OXNAD1: variants seen among roughly 807,000 people sequenced by gnomAD.
OXNAD1 encodes oxidoreductase NAD binding domain containing 1, also known as oxidoreductase NAD-binding domain-containing protein 1.
In OXNAD1, 34 loss-of-function variants were observed where a neutral mutation model predicts 32.9. The observed-to-expected ratio is 1.03, with a 90% confidence interval of 0.79 to 1.38. The LOEUF is 1.38. Among genes scored for constraint, OXNAD1 ranks in the 40% most tolerant of loss-of-function variants. The pLI is 0.00. For synonymous variants in OXNAD1, 134 were observed against 135.2 expected, an observed-to-expected ratio of 0.99 and a Z score of 0.06; for missense variants, 407 against 379.4, an observed-to-expected ratio of 1.07 and a Z score of -0.60.
At chr3:16,313,172 A>C (rs2657598) in intron 9 of OXNAD1, among the ~76,000 whole-genome samples, 61,595 of 146,970 alleles carry the variant, frequency 0.42, 13,000 homozygotes, top group South Asian at 0.54. Flanking sequence ...TAGCCTCCCA[A>C]GTAGCTGGTA....
chr3:16,331,668 G>A (rs2125247032), intron 9 of OXNAD1, among the ~76,000 whole-genome samples: 1 of 152,214 alleles, frequency 6.6e-6, no homozygotes, highest in Non-Finnish European at 1.5e-5. Flanking sequence ...TTCCCCACTG[G>A]AGACATCATT....
At position 16,288,101 on chromosome 3, in the gene OXNAD1, A is replaced by T. The variant is rs2066192505; in HGVS notation, c.290+1653A>T. Among the ~76,000 whole-genome samples the T allele has an allele frequency of 6.6e-6, 1 of 152,064 alleles. No homozygotes were observed. Among genetic ancestry groups the T allele is most frequent in the Non-Finnish European group, 1.5e-5 (1 of 68,008 alleles). On this transcript the variant is annotated intron_variant, in intron 5 of 8. Transcript: ENST00000285083. This position sits in a 1 kb window ranked among gnomAD's most constrained non-coding sequence, Gnocchi z 5.1. The stretch of plus-strand genomic sequence containing the variant: ...CTAGGGGTTGTGAGTTCCTTTTGAT[A>T]TTTGACCTTATGGTCACAGAATGGC...
intron 9 of OXNAD1, among the ~76,000 whole-genome samples, chr3:16,313,355 T>G (rs1379858061): frequency 6.6e-6 from 1 of 152,066 alleles, no homozygotes; most frequent in East Asian, 1.9e-4. Flanking sequence ...ATGGTCCATC[T>G]TGAACTGTGC....
chr3:16,282,863 A>G (rs1213915123), intron 4 of OXNAD1, among the ~76,000 whole-genome samples: 1 of 116,202 alleles, frequency 8.6e-6, no homozygotes, highest in Non-Finnish European at 1.7e-5. Flanking sequence ...AGTAGTAGAG[A>G]GCCGTTTAAG....
In OXNAD1 at chr3:16,316,817, T is replaced by C. The variant is rs371535254; in HGVS notation, c.*30+13225T>C. 8.1e-6 allele frequency: 13 copies of C among 1,613,188 alleles called. No homozygotes were observed. The highest frequency in any genetic ancestry group is 9.3e-6 in the Non-Finnish European group (11 of 1,179,852). ...GCAACTCACCTAGTTTTAGCACAAA[T>C]TGCCCAAGACTCAGTTTTCTTCAAC... is the stretch of plus-strand genomic sequence containing the variant. On this transcript the variant is annotated intron_variant, in intron 9 of 9. Transcript: ENST00000435829. The surrounding 1 kb of genome is among the most constrained non-coding windows in gnomAD (Gnocchi z 4.5).
intron 4 of OXNAD1, among the ~76,000 whole-genome samples, chr3:16,281,007 A>T (rs979707556): frequency 6.6e-6 from 1 of 152,254 alleles, no homozygotes; most frequent in Admixed American, 6.5e-5. Flanking sequence ...AGCCAATACA[A>T]ATGATAAAAT....
At position 16,321,706 on chromosome 3, in the gene OXNAD1, A is replaced by G. The variant is rs2069078227; in HGVS notation, c.*31-15406A>G. On this transcript the variant is annotated intron_variant, in intron 9 of 9. Coordinates refer to the OXNAD1 transcript ENST00000435829. This position sits in a 1 kb window ranked among gnomAD's most constrained non-coding sequence, Gnocchi z 4.8. ...AGGCAGGAAATAATTAGGTACATGGAAAGAGAAAGCAGTCCACCCAGATGA... is the reference window on the plus strand; with the variant it reads ...AGGCAGGAAATAATTAGGTACATGGGAAGAGAAAGCAGTCCACCCAGATGA... 6.6e-6 allele frequency among the ~76,000 whole-genome samples: 1 copy of G among 152,182 alleles called. No homozygotes were observed. The highest frequency in any genetic ancestry group is 6.5e-5 in the Admixed American group (1 of 15,284).
downstream of OXNAD1, among the ~76,000 whole-genome samples, chr3:16,308,308 A>C (rs2067712434): frequency 6.6e-6 from 1 of 152,056 alleles, no homozygotes; most frequent in Admixed American, 6.6e-5. This position sits in a 1 kb window ranked among gnomAD's most constrained non-coding sequence, Gnocchi z 4.4. Context: ...GGAATGATGG[A>C]TCTTAGGGGC....
In OXNAD1 at chr3:16,320,458, A is replaced by T. The variant is rs1416458894; in HGVS notation, c.*31-16654A>T. On this transcript the variant is annotated intron_variant, in intron 9 of 9. Transcript: ENST00000435829. This position sits in a 1 kb window ranked among gnomAD's most constrained non-coding sequence, Gnocchi z 4.5. ...TTACTCATTCATTGATTCGACAAGTATCTGTTGAGCACCAACTAAAATCTG... is the reference window on the plus strand; with the variant it reads ...TTACTCATTCATTGATTCGACAAGTTTCTGTTGAGCACCAACTAAAATCTG... Among the ~76,000 whole-genome samples, 1 of 152,254 alleles carries T rather than the reference A, an allele frequency of 6.6e-6. No homozygotes were observed. The highest frequency in any genetic ancestry group is 1.5e-5 in the Non-Finnish European group (1 of 68,048).
intron 9 of OXNAD1, among the ~76,000 whole-genome samples, chr3:16,311,993 C>T (rs1314314544): frequency 2.0e-5 from 3 of 152,304 alleles, no homozygotes; most frequent in Admixed American, 6.5e-5. Context: ...AGGTCTCTCC[C>T]GTAGCCTGGC....
In OXNAD1 at chr3:16,342,415, CAT is replaced by C. The variant is rs1207127598; in HGVS notation, c.*31-6759_*31-6758del. Among the ~76,000 whole-genome samples the C allele has an allele frequency of 6.6e-6, 1 of 151,920 alleles. No homozygotes were observed. Among genetic ancestry groups the C allele is most frequent in the African/African-American group, 2.4e-5 (1 of 41,330 alleles). On this transcript the variant is annotated intron_variant, in intron 9 of 9. Coordinates refer to the OXNAD1 transcript ENST00000606098. This position sits in a 1 kb window ranked among gnomAD's most constrained non-coding sequence, Gnocchi z 4.0. ...ATAATATTCCATCATATGGATATAC[CAT>C]AGTTTATTCATCATTTGATGAACAT...
chr3:16,333,407 C>T (rs2125254623), intron 9 of OXNAD1, among the ~76,000 whole-genome samples: 1 of 152,268 alleles, frequency 6.6e-6, no homozygotes, highest in African/African-American at 2.4e-5. Flanking sequence ...TTTGGGATTA[C>T]AATAAATTTT....
downstream of OXNAD1, among the ~76,000 whole-genome samples, chr3:16,350,455 T>C (rs1262124910): frequency 2.0e-5 from 3 of 151,488 alleles, no homozygotes; most frequent in Non-Finnish European, 4.4e-5. Context: ...TGAAGCAAAC[T>C]TGAAAATTTT....
At chr3:16,324,901 C>T (rs1202631110) in intron 9 of OXNAD1, among the ~76,000 whole-genome samples, 1 of 152,058 alleles carries the variant, frequency 6.6e-6, no homozygotes, top group East Asian at 1.9e-4. Flanking sequence ...AACCTCTGTA[C>T]TATTTTCCAT....
downstream of OXNAD1, among the ~76,000 whole-genome samples, chr3:16,307,316 G>A (rs533360539): frequency 6.6e-6 from 1 of 152,168 alleles, no homozygotes; most frequent in Non-Finnish European, 1.5e-5. Context: ...CAATCATGAT[G>A]GTTGATGAGG....
intron 6 of OXNAD1, among the ~76,000 whole-genome samples, chr3:16,300,082 C>A (rs894590252): frequency 6.6e-6 from 1 of 152,132 alleles, no homozygotes; most frequent in African/African-American, 2.4e-5. Context: ...AAAATTCAGT[C>A]TTTTGACTCC....
chr3:16,301,537 A>T lies in OXNAD1; in HGVS notation c.433-89A>T. ...AAATAGTCTTAAATACTGATAATACAGGAGATAGACCCAGTTTTATTAAAG... is the reference window on the plus strand; with the variant it reads ...AAATAGTCTTAAATACTGATAATACTGGAGATAGACCCAGTTTTATTAAAG... On this transcript the variant is annotated intron_variant, in intron 6 of 8. Transcript: ENST00000285083. This position sits in a 1 kb window ranked among gnomAD's most constrained non-coding sequence, Gnocchi z 4.1. 6.9e-7 allele frequency: 1 copy of T among 1,446,920 alleles called. No individual in the cohort carries two copies. Among genetic ancestry groups the T allele is most frequent in the East Asian group, 2.3e-5 (1 of 43,440 alleles). 89.6% of individuals were successfully genotyped at this position (1,446,920 alleles called of 1,614,324 possible). A position where few individuals can be genotyped will look rare whatever the true frequency, so the allele number is the denominator to read the frequency against.
chr3:16,311,538 C>G (rs1330913248), intron 9 of OXNAD1, among the ~76,000 whole-genome samples: 1 of 152,150 alleles, frequency 6.6e-6, no homozygotes, highest in Non-Finnish European at 1.5e-5. Context: ...GGAAAAGTTC[C>G]AGGCAATATC....
rs1025838951 is a variant in OXNAD1 at position 16,305,479 on chromosome 3, A to C, written c.*1917A>C. The C allele has an allele frequency of 1.3e-5, 2 of 152,264 alleles. No homozygotes were observed. The highest frequency in any genetic ancestry group is 3.8e-4 in the East Asian group (2 of 5,196). 9.4% of individuals were successfully genotyped at this position (152,264 alleles called of 1,614,324 possible). Reference sequence around the variant, plus strand: ...GTCATCACCTTTGCCTGGAGTGTTCATCCTTTCAGTGCCATTATTCTGGTG... The same window carrying C: ...GTCATCACCTTTGCCTGGAGTGTTCCTCCTTTCAGTGCCATTATTCTGGTG... On this transcript the variant is annotated 3_prime_UTR_variant, in exon 9 of 9. Coordinates refer to ENST00000285083, the MANE Select transcript of OXNAD1 (RefSeq NM_138381.5). This position sits in a 1 kb window ranked among gnomAD's most constrained non-coding sequence, Gnocchi z 4.5.
Sources: gnomAD v4.1 joint callset for allele counts (sites outside exome capture counted in the v4.1 genomes callset) on GRCh38, gnomAD v4.1.1 for gene constraint, Gnocchi (gnomAD v3.1) non-coding constraint, MANE v1.5 for transcripts, NCBI Gene and HGNC (gene_info 2026-07-23, HGNC 2026-07-21) for gene names.